MYT1L: variants seen among roughly 807,000 people sequenced by gnomAD.
The protein encoded by MYT1L is myelin transcription factor 1-like protein.
In MYT1L, 12 loss-of-function variants were observed where a neutral mutation model predicts 126.7. The observed-to-expected ratio is 0.09, with a 90% CI of 0.06 to 0.15. The LOEUF (loss-of-function observed/expected upper bound fraction) is 0.15. Ranked by LOEUF, MYT1L falls within the 10% of genes least tolerant of loss-of-function variation. The pLI, the probability that MYT1L is intolerant of heterozygous loss-of-function variation, is 1.00. For missense variants in MYT1L, 979 were observed against 1,585.2 expected, an observed-to-expected ratio of 0.62 and a Z score of 6.49; for synonymous variants, 541 against 604.2, an observed-to-expected ratio of 0.90 and a Z score of 1.53.
intron 21 of MYT1L, chr2:1,827,024 C>G (rs921416396): frequency 6.6e-6 from 1 of 152,394 alleles, no homozygotes; most frequent in East Asian, 1.9e-4. Flanking sequence ...GTGCCCCAGA[C>G]CCCTCCCCAT....
At chr2:2,149,210 G>T (rs917399063) in intron 3 of MYT1L, among the ~76,000 whole-genome samples, 12 of 152,040 alleles carry the variant, frequency 7.9e-5, no homozygotes, top group Admixed American at 1.3e-4. Context: ...TAAAAATCAT[G>T]TAAAATTATC....
chr2:2,329,273 A>C (rs1357384124), intron 1 of MYT1L, among the ~76,000 whole-genome samples: 3 of 150,324 alleles, frequency 2.0e-5, no homozygotes, highest in Non-Finnish European at 4.4e-5. Context: ...GCAAGGAAGA[A>C]TCCAACCAAG....
Position 1,979,406 on chromosome 2 carries a change from A to G in MYT1L, c.89+115T>C, listed in dbSNP as rs2060430509. Reference sequence around the variant, plus strand: ...AAGTCTCGGGGGAATTAATTTCATCAGTGCAGCAGGGCGTGAGCAAGCTGC... The same window carrying G: ...AAGTCTCGGGGGAATTAATTTCATCGGTGCAGCAGGGCGTGAGCAAGCTGC... On this transcript the variant is annotated intron_variant, in intron 7 of 24. Transcript: ENST00000647738. This position sits in a 1 kb window ranked among gnomAD's most constrained non-coding sequence, Gnocchi z 4.0. The G allele has an allele frequency of 2.6e-6, 3 of 1,159,578 alleles. No individual in the cohort carries two copies. The allele number at this position is 1,159,578 out of a possible 1,614,324, so 71.8% of individuals were successfully genotyped here. A position where few individuals can be genotyped will look rare whatever the true frequency, so the allele number is the denominator to read the frequency against.
chr2:1,855,028 C>T (rs62114694), intron 18 of MYT1L, among the ~76,000 whole-genome samples: 7,095 of 152,186 alleles, frequency 0.047, 199 homozygotes, highest in South Asian at 0.11. Flanking sequence ...ATAAGGCAGC[C>T]CAGAATGGCT....
In MYT1L at chr2:1,806,664, C is replaced by T. The variant is rs1374570275; in HGVS notation, c.3172+2412G>A. Among the ~76,000 whole-genome samples the T allele has an allele frequency of 6.6e-6, 1 of 152,164 alleles. No homozygotes were observed. Among genetic ancestry groups the T allele is most frequent in the African/African-American group, 2.4e-5 (1 of 41,444 alleles). On this transcript the variant is annotated intron_variant, in intron 22 of 24. Coordinates refer to ENST00000647738, the MANE Select transcript of MYT1L (RefSeq NM_001303052.2). This position sits in a 1 kb window ranked among gnomAD's most constrained non-coding sequence, Gnocchi z 4.9. ...CTCAGGCCCACCGATGAAGAGATGG[C>T]CACCTCAGGGATCTGCCCACCGCCG...
chr2:2,242,406 T>C (rs2094457080), intron 2 of MYT1L, among the ~76,000 whole-genome samples: 1 of 152,208 alleles, frequency 6.6e-6, no homozygotes. Flanking sequence ...TTTCACCACA[T>C]ATTACGAAAA....
intron 14 of MYT1L, among the ~76,000 whole-genome samples, chr2:1,895,984 T>C (rs549053315): frequency 5.9e-5 from 9 of 152,196 alleles, no homozygotes; most frequent in African/African-American, 2.2e-4. Flanking sequence ...GAACAAATAC[T>C]TCAACAAACA....
chr2:2,307,724 A>G (rs1437635287), intron 1 of MYT1L, among the ~76,000 whole-genome samples: 1 of 151,318 alleles, frequency 6.6e-6, no homozygotes, highest in Non-Finnish European at 1.5e-5. Flanking sequence ...AGTACATTCT[A>G]TCTATACCTT....
chr2:1,933,969 A>ATTTTTTTTT (rs920521570), intron 9 of MYT1L, among the ~76,000 whole-genome samples: 9 of 111,752 alleles, frequency 8.1e-5, no homozygotes, highest in South Asian at 5.9e-4. Context: ...TCTAATTTTG[A>ATTTTTTTTT]TTTTTTTTTT....
intron 3 of MYT1L, among the ~76,000 whole-genome samples, chr2:2,096,404 C>T (rs553909664): frequency 2.0e-5 from 3 of 152,322 alleles, no homozygotes; most frequent in Non-Finnish European, 2.9e-5. Flanking sequence ...TTTCTTCTTT[C>T]TCATGGGTGG....
rs527508161 is a variant in MYT1L, at chr2:1,917,450, G to T, written c.1484-111C>A. 2.2e-6 allele frequency: 3 copies of T among 1,342,440 alleles called. No individual in the cohort carries two copies. Among genetic ancestry groups the T allele is most frequent in the Non-Finnish European group, 3.1e-6 (3 of 977,148 alleles). 83.2% of individuals were successfully genotyped at this position (1,342,440 alleles called of 1,614,324 possible). On this transcript the variant is annotated intron_variant, in intron 10 of 24. Transcript: ENST00000647738. The surrounding 1 kb of genome is among the most constrained non-coding windows in gnomAD (Gnocchi z 5.9). ...TAAAGAAAGAAATAAAGCAGGTGTC[G>T]GGGGCTAGGCTGTGACATCAGACTT...
chr2:2,195,958 G>A (rs1207500859), intron 2 of MYT1L, among the ~76,000 whole-genome samples: 2 of 151,988 alleles, frequency 1.3e-5, no homozygotes, highest in African/African-American at 4.8e-5. Context: ...ATAAGGAGAG[G>A]CAAGAGGAGC....
At chr2:1,969,673 C>T (rs1440946580) in intron 8 of MYT1L, among the ~76,000 whole-genome samples, 1 of 152,180 alleles carries the variant, frequency 6.6e-6, no homozygotes, top group Non-Finnish European at 1.5e-5. Flanking sequence ...GGCTGTGGGA[C>T]CCTGGTTGTT....
chr2:2,184,867 C>T (rs1023409596), intron 2 of MYT1L, among the ~76,000 whole-genome samples: 3 of 152,174 alleles, frequency 2.0e-5, no homozygotes, highest in Admixed American at 2.0e-4. Flanking sequence ...GAAAGGGACC[C>T]GCCAAGAGAG....
chr2:2,224,346 A>C lies in MYT1L; in HGVS notation c.-420-51358T>G, dbSNP rs1429157785. On this transcript the variant is annotated intron_variant, in intron 2 of 24. Coordinates refer to ENST00000647738, the MANE Select transcript of MYT1L (RefSeq NM_001303052.2). The surrounding 1 kb of genome is among the most constrained non-coding windows in gnomAD (Gnocchi z 4.0). ...AGACCTTCCAGCAGACAGCAAAGGA[A>C]GAAGGTCCATGGGCTCAGTGTCCCT... Among the ~76,000 whole-genome samples the C allele has an allele frequency of 1.3e-5, 2 of 152,146 alleles. No homozygotes were observed. Among genetic ancestry groups the C allele is most frequent in the Admixed American group, 1.3e-4 (2 of 15,268 alleles).
chr2:2,240,845 T>C (rs970311726), intron 2 of MYT1L, among the ~76,000 whole-genome samples: 1 of 152,196 alleles, frequency 6.6e-6, no homozygotes, highest in African/African-American at 2.4e-5. Flanking sequence ...GTCATGGAGT[T>C]GGAAAAAGGG....
intron 8 of MYT1L, among the ~76,000 whole-genome samples, chr2:1,946,682 G>T (rs936131140): frequency 6.6e-5 from 10 of 151,866 alleles, no homozygotes; most frequent in African/African-American, 2.4e-4. Context: ...GATAATTCAA[G>T]AAAAAAAATT....
At chr2:1,994,729 C>T (rs888910373) in intron 5 of MYT1L, among the ~76,000 whole-genome samples, 1 of 152,110 alleles carries the variant, frequency 6.6e-6, no homozygotes, top group African/African-American at 2.4e-5. Flanking sequence ...TTTACTTCTC[C>T]CTAATTCAGA....
intron 18 of MYT1L, among the ~76,000 whole-genome samples, chr2:1,868,032 T>A (rs1286738696): frequency 6.6e-6 from 1 of 150,730 alleles, no homozygotes; most frequent in African/African-American, 2.4e-5. Flanking sequence ...AGTGGCGTGA[T>A]CTTGGCTCAC....
Sources: gnomAD v4.1 joint callset for allele counts (sites outside exome capture counted in the v4.1 genomes callset) on GRCh38, gnomAD v4.1.1 for gene constraint, Gnocchi (gnomAD v3.1) non-coding constraint, MANE v1.5 for transcripts, NCBI Gene and HGNC (gene_info 2026-07-23, HGNC 2026-07-21) for gene names.